Variants in CACNB2 observed in about 807,000 individuals in gnomAD.
CACNB2 encodes the protein voltage-dependent L-type calcium channel subunit beta-2.
CACNB2 carries 42 observed loss-of-function variants against 73.3 expected under a neutral mutation model. That is an observed-to-expected ratio of 0.57 (90% confidence interval 0.45 to 0.74). The LOEUF (loss-of-function observed/expected upper bound fraction) is 0.74, where lower values mean the gene tolerates loss of function less well. Among genes scored for constraint, CACNB2 ranks in the 30% least tolerant of loss-of-function variants. The pLI is 0.00. For synonymous variants in CACNB2, 348 were observed against 310.3 expected (o/e 1.12, Z -1.28); for missense variants, 940 against 853.0 (o/e 1.10, Z -1.27).
At position 18,265,472 on chromosome 10, in the gene CACNB2, T is replaced by G. The variant is rs1401557799; in HGVS notation, c.213+114497T>G. On this transcript the variant is annotated intron_variant, in intron 2 of 13. Transcript: ENST00000324631. ...TTGTGAAGTACCTGTTCAAGTATCT[T>G]GCTTCTTTTTGTCTTAGGTTATCTG... Among the ~76,000 whole-genome samples the G allele has an allele frequency of 2.6e-5, 4 of 152,306 alleles. No individual in the cohort carries two copies. In the East Asian group the frequency reaches 5.8e-4, roughly 22 times the overall value.
Position 18,538,349 on chromosome 10 carries a change from T to C in CACNB2, c.1472T>C (p.Leu491Pro). ...ATSSLPLSPT[L>P]ASNSQGSQGD... ...TCAAGTCTGCCTCTTAGCCCCACCCTAGCCTCTAATTCACAGGTAAGGGGA... is the reference window on the plus strand; with the variant it reads ...TCAAGTCTGCCTCTTAGCCCCACCCCAGCCTCTAATTCACAGGTAAGGGGA... The change falls in exon 13 of 14, where the codon CTA becomes CCA. Residue 491 changes from leucine (L) to proline (P), a missense_variant. Physicochemically the swap from Leu to Pro is moderately conservative, Grantham distance 98. Transcript: ENST00000324631. 6.2e-7 allele frequency: 1 copy of C among 1,612,410 alleles called. No individual in the cohort carries two copies. Among genetic ancestry groups the C allele is most frequent in the Non-Finnish European group, 8.5e-7 (1 of 1,178,384 alleles).
chr10:18,495,727 T>A (rs183043857), intron 3 of CACNB2, among the ~76,000 whole-genome samples: 40 of 152,186 alleles, frequency 2.6e-4, no homozygotes, highest in African/African-American at 9.1e-4. Flanking sequence ...TAAAAAAATA[T>A]ATATTTTTTG....
At chr10:18,301,095 G>A (rs1254122442) in intron 2 of CACNB2, among the ~76,000 whole-genome samples, 1 of 152,164 alleles carries the variant, frequency 6.6e-6, no homozygotes, top group East Asian at 1.9e-4. Flanking sequence ...TTCAAAAAGG[G>A]GACTCGTGTT....
At chr10:18,432,835 A>AAAC (rs2045954211) in intron 3 of CACNB2, among the ~76,000 whole-genome samples, 21 of 150,908 alleles carry the variant, frequency 1.4e-4, no homozygotes, top group East Asian at 9.9e-4. Flanking sequence ...CCTGTCTAAA[A>AAAC]AAACAAACAA....
chr10:18,481,202 A>ATTTTTTT (rs2048710538), intron 3 of CACNB2, among the ~76,000 whole-genome samples: 1 of 7,194 alleles, frequency 1.4e-4, no homozygotes. Flanking sequence ...CTATATATAT[A>ATTTTTTT]TATATATATA....
At chr10:18,480,606 A>C (rs145818346) in intron 3 of CACNB2, among the ~76,000 whole-genome samples, 1 of 152,344 alleles carries the variant, frequency 6.6e-6, no homozygotes, top group African/African-American at 2.4e-5. Flanking sequence ...ATTACAAAAG[A>C]AATGATTTGA....
At chr10:18,175,236 C>A (rs113012768) in intron 2 of CACNB2, among the ~76,000 whole-genome samples, 4 of 152,154 alleles carry the variant, frequency 2.6e-5, no homozygotes, top group African/African-American at 9.7e-5. Context: ...AACAGATAGT[C>A]ATTGCGTCTT....
At chr10:18,164,420 A>T (rs1321136343) in intron 2 of CACNB2, among the ~76,000 whole-genome samples, 1 of 152,212 alleles carries the variant, frequency 6.6e-6, no homozygotes, top group Admixed American at 6.5e-5. Flanking sequence ...TTTGGTTACC[A>T]AGAGACACTG....
chr10:18,487,154 G>A (rs1431879180), intron 3 of CACNB2, among the ~76,000 whole-genome samples: 2 of 152,160 alleles, frequency 1.3e-5, no homozygotes, highest in African/African-American at 4.8e-5. Context: ...TCATGCAGAT[G>A]GGGTCTCAAC....
intron 10 of CACNB2, chr10:18,532,958 T>A (rs538412344): frequency 6.6e-6 from 1 of 152,102 alleles, no homozygotes; most frequent in African/African-American, 2.4e-5. Context: ...CCTGATTTTT[T>A]AAAGATATCT....
chr10:18,531,674 G>GTTAT (rs1554840076), intron 10 of CACNB2, among the ~76,000 whole-genome samples: 7 of 152,108 alleles, frequency 4.6e-5, no homozygotes, highest in Non-Finnish European at 1.0e-4. Flanking sequence ...AACAGCATCT[G>GTTAT]TTATTTTTTG....
intron 7 of CACNB2, chr10:18,515,159 T>C: frequency 2.4e-6 from 2 of 818,984 alleles, no homozygotes; most frequent in Non-Finnish European, 4.2e-6. Context: ...CGTAGAGCCT[T>C]TGCCATTGGC....
intron 2 of CACNB2, among the ~76,000 whole-genome samples, chr10:18,303,374 G>A (rs184066098): frequency 2.3e-4 from 35 of 152,206 alleles, no homozygotes; most frequent in Admixed American, 1.6e-3. Context: ...GTATGGTGGT[G>A]CACGCCTTTG....
intron 2 of CACNB2, among the ~76,000 whole-genome samples, chr10:18,171,539 A>AAG (rs2033236539): frequency 6.7e-6 from 1 of 149,178 alleles, no homozygotes; most frequent in African/African-American, 2.5e-5. Context: ...AAAAAAAAAA[A>AAG]AAAAAAAAAA....
chr10:18,422,118 A>C (rs1434877503), intron 3 of CACNB2, among the ~76,000 whole-genome samples: 1 of 152,230 alleles, frequency 6.6e-6, no homozygotes, highest in Non-Finnish European at 1.5e-5. Context: ...AGACCGTTTC[A>C]AGTTCAGCAG....
At chr10:18,317,306 G>T (rs1399992394) in intron 2 of CACNB2, among the ~76,000 whole-genome samples, 1 of 151,610 alleles carries the variant, frequency 6.6e-6, no homozygotes, top group Non-Finnish European at 1.5e-5. Context: ...TGGGTATACT[G>T]TATGACGCTG....
chr10:18,386,252 A>G (rs993150753), intron 2 of CACNB2, among the ~76,000 whole-genome samples: 2 of 151,732 alleles, frequency 1.3e-5, no homozygotes, highest in East Asian at 3.9e-4. Context: ...TTTTTGGCCT[A>G]TTTTTCTAGT....
At chr10:18,274,436 G>A (rs2038190457) in intron 2 of CACNB2, among the ~76,000 whole-genome samples, 1 of 152,126 alleles carries the variant, frequency 6.6e-6, no homozygotes. Flanking sequence ...TCTGAATATG[G>A]CAGCAGGACA....
intron 2 of CACNB2, among the ~76,000 whole-genome samples, chr10:18,170,791 T>G (rs1205876106): frequency 1.3e-5 from 2 of 152,244 alleles, no homozygotes; most frequent in Non-Finnish European, 2.9e-5. Context: ...GACAATGCTC[T>G]TTTAAGCTTG....
Sources: gnomAD v4.1 joint callset for allele counts (sites outside exome capture counted in the v4.1 genomes callset) on GRCh38, gnomAD v4.1.1 for gene constraint, MANE v1.5 for transcripts, NCBI Gene and HGNC (gene_info 2026-07-23, HGNC 2026-07-21) for gene names.